SAMD3: variants seen among roughly 807,000 people sequenced by gnomAD.
SAMD3 encodes sterile alpha motif domain containing 3, also known as sterile alpha motif domain-containing protein 3.
SAMD3 carries 63 observed loss-of-function variants against 58.5 expected under a neutral mutation model. The ratio of observed to expected loss-of-function variants is 1.08; its 90% CI spans 0.88 to 1.33. The LOEUF (loss-of-function observed/expected upper bound fraction) is 1.33. Ranked by LOEUF, SAMD3 falls within the 40% of genes most tolerant of loss-of-function variation. The pLI is 0.00. For synonymous variants in SAMD3, 220 were observed against 210.3 expected (o/e 1.05, Z -0.40); for missense variants, 604 against 608.4 (o/e 0.99, Z 0.08).
chr6:130,203,522 T>C (rs757240045), intron 5 of SAMD3, among the ~76,000 whole-genome samples: 1 of 152,336 alleles, frequency 6.6e-6, no homozygotes, highest in South Asian at 2.1e-4. Flanking sequence ...TATGATTGAA[T>C]CACCATGAGT....
chr6:130,306,229 A>C (rs1775906737), intron 2 of SAMD3, among the ~76,000 whole-genome samples: 1 of 152,236 alleles, frequency 6.6e-6, no homozygotes, highest in Non-Finnish European at 1.5e-5. Flanking sequence ...TTATTTAAGC[A>C]CTAAATTAAT....
chr6:130,193,975 C>T (rs938551019), intron 5 of SAMD3, among the ~76,000 whole-genome samples: 1 of 152,068 alleles, frequency 6.6e-6, no homozygotes, highest in Non-Finnish European at 1.5e-5. Context: ...TTCCTTTTCT[C>T]CAGACCCATC....
chr6:130,170,589 T>A (rs13203806), intron 8 of SAMD3, among the ~76,000 whole-genome samples: 5,887 of 152,292 alleles, frequency 0.039, 162 homozygotes, highest in Non-Finnish European at 0.061. Context: ...GCATGGAATG[T>A]CTTTCTTTTC....
At chr6:130,277,313 A>G (rs1031636606) in intron 2 of SAMD3, among the ~76,000 whole-genome samples, 4 of 152,234 alleles carry the variant, frequency 2.6e-5, no homozygotes, top group Admixed American at 6.5e-5. Context: ...GTTAAACTAT[A>G]TACTACATTC....
intron 2 of SAMD3, among the ~76,000 whole-genome samples, chr6:130,264,855 GA>G (rs549713748): frequency 0.056 from 8,087 of 145,134 alleles, 329 homozygotes; most frequent in African/African-American, 0.12. Context: ...CTATGTGTCA[GA>G]AAAAAAAAAA....
intron 4 of SAMD3, among the ~76,000 whole-genome samples, chr6:130,211,825 T>C (rs1795598285): frequency 1.3e-5 from 2 of 151,324 alleles, no homozygotes; most frequent in Non-Finnish European, 1.5e-5. Flanking sequence ...TTGAGACCTG[T>C]CTCAGAGACT....
chr6:130,308,663 G>A (rs1776034382), intron 2 of SAMD3, among the ~76,000 whole-genome samples: 1 of 151,944 alleles, frequency 6.6e-6, no homozygotes, highest in Admixed American at 6.6e-5. Context: ...CAAATCAAGG[G>A]GAAAATTTTT....
upstream of SAMD3, among the ~76,000 whole-genome samples, chr6:130,224,481 G>A (rs970871950): frequency 6.6e-6 from 1 of 151,956 alleles, no homozygotes; most frequent in Admixed American, 6.6e-5. Context: ...AAAGGCATAG[G>A]ACCCTGTGTT....
chr6:130,183,127 G>A (rs550444294), intron 7 of SAMD3: 41 of 315,010 alleles, frequency 1.3e-4, no homozygotes, highest in Non-Finnish European at 1.9e-4. Flanking sequence ...GTGTTGAAAC[G>A]TCAGCGGCAG....
chr6:130,202,300 T>G (rs1295427633), intron 5 of SAMD3, among the ~76,000 whole-genome samples: 1 of 152,232 alleles, frequency 6.6e-6, no homozygotes, highest in African/African-American at 2.4e-5. Flanking sequence ...TACATGTACA[T>G]GCACACACTG....
chr6:130,278,548 C>G (rs1774865600), intron 2 of SAMD3, among the ~76,000 whole-genome samples: 1 of 151,860 alleles, frequency 6.6e-6, no homozygotes, highest in Admixed American at 6.6e-5. Context: ...GAGTTGTTTT[C>G]CTACAAATTA....
intron 2 of SAMD3, among the ~76,000 whole-genome samples, chr6:130,311,248 T>A (rs1776148167): frequency 6.6e-6 from 1 of 152,202 alleles, no homozygotes. Flanking sequence ...TATGTCAGAA[T>A]CAAAACATAT....
chr6:130,176,717 A>G (rs866397472), intron 7 of SAMD3, among the ~76,000 whole-genome samples: 17 of 152,232 alleles, frequency 1.1e-4, no homozygotes, highest in Admixed American at 1.1e-3. Context: ...TCTTAGGGTC[A>G]GGTAACTGCA....
chr6:130,314,055 T>A (rs747774558), intron 1 of SAMD3, among the ~76,000 whole-genome samples: 10 of 152,248 alleles, frequency 6.6e-5, no homozygotes, highest in Non-Finnish European at 2.9e-5. Context: ...GTGTTTAATC[T>A]GCTACGTGTA....
At chr6:130,302,381 C>A (rs562247505) in intron 2 of SAMD3, among the ~76,000 whole-genome samples, 2 of 152,210 alleles carry the variant, frequency 1.3e-5, no homozygotes, top group Non-Finnish European at 2.9e-5. Flanking sequence ...TAATGAGATA[C>A]CATCTCACAC....
intron 2 of SAMD3, among the ~76,000 whole-genome samples, chr6:130,235,689 A>G (rs1265494000): frequency 6.6e-6 from 1 of 152,234 alleles, no homozygotes; most frequent in African/African-American, 2.4e-5. Context: ...TTAATAATAG[A>G]GTAATTGCTT....
rs145408019 is a variant in SAMD3 at position 130,154,695 on chromosome 6, GAAAAAAA to G, written c.1023+123_1023+129del. 745 of 108,500 alleles carry G rather than the reference GAAAAAAA, an allele frequency of 6.9e-3. 1 individual carries two copies. The highest frequency in any genetic ancestry group is 0.019 in the African/African-American group (446 of 23,086). 6.7% of individuals were successfully genotyped at this position (108,500 alleles called of 1,614,324 possible). On this transcript the variant is annotated intron_variant, in intron 9 of 11. Coordinates refer to ENST00000439090, the MANE Select transcript of SAMD3 (RefSeq NM_001017373.4). The stretch of plus-strand genomic sequence containing the variant: ...TGGGCGACAGAGCAAGACTCTGTCT[GAAAAAAA>G]AAAAAAAAAAAAAAAAATATATATA...
intron 2 of SAMD3, among the ~76,000 whole-genome samples, chr6:130,298,841 G>C (rs1051793762): frequency 1.3e-5 from 2 of 152,106 alleles, no homozygotes; most frequent in African/African-American, 4.8e-5. Flanking sequence ...TTTTATATCA[G>C]ATAAAACAGA....
chr6:130,332,567 G>T (rs1776967120), intron 1 of SAMD3, among the ~76,000 whole-genome samples: 1 of 152,184 alleles, frequency 6.6e-6, no homozygotes, highest in Non-Finnish European at 1.5e-5. Context: ...ATAACATGCT[G>T]ACAGCTCATG....
Sources: allele counts gnomAD v4.1 joint callset (sites outside exome capture counted in the v4.1 genomes callset), GRCh38; gene constraint gnomAD v4.1.1; transcripts MANE v1.5; gene names NCBI Gene and HGNC (gene_info 2026-07-23, HGNC 2026-07-21).